Variants in ENTR1 observed in about 807,000 individuals in gnomAD.
The protein encoded by ENTR1 is endosome-associated-trafficking regulator 1.
A neutral mutation model predicts 47.9 loss-of-function variants in ENTR1; 47 were observed. The observed-to-expected ratio is 0.98, with a 90% CI of 0.78 to 1.25. The LOEUF (loss-of-function observed/expected upper bound fraction) is 1.25, where lower values mean the gene tolerates loss of function less well. ENTR1 is among the 50% of genes most tolerant of loss of function. The probability of loss-of-function intolerance (pLI) is 0.00; values close to 1 mark genes in which losing one functional copy is unlikely to be tolerated. For missense variants in ENTR1, 668 were observed against 570.5 expected (o/e 1.17, Z -1.74); for synonymous variants, 290 against 245.8 (o/e 1.18, Z -1.68).
In ENTR1 at chr9:136,410,478, C is replaced by A. The variant is rs1835051752; in HGVS notation, c.-81G>T. The A allele has an allele frequency of 1.0e-6, 1 of 982,548 alleles. No individual in the cohort carries two copies. Among genetic ancestry groups the A allele is most frequent in the African/African-American group, 1.7e-5 (1 of 57,156 alleles). 60.9% of individuals were successfully genotyped at this position (982,548 alleles called of 1,614,324 possible). On this transcript the variant is annotated 5_prime_UTR_variant, in exon 1 of 10. Transcript: ENST00000357365. ...CCCCGGCTCCGCCCGTGCCGCGGCC[C>A]GCGTCGCCCGCCCCCGTCGCCCGCC...
At chr9:136,405,835 A>T in intron 6 of ENTR1, 70 bp downstream of exon 6, 1 of 938,560 alleles carries the variant, frequency 1.1e-6, no homozygotes, top group Non-Finnish European at 1.6e-6. Flanking sequence ...TTACTTCATT[A>T]TCATTTAAAA....
rs1835020668 is a variant in ENTR1 at position 136,410,120 on chromosome 9, T to G, written c.190A>C (p.Ser64Arg). Residue 64 changes from serine (S) to arginine (R), a missense_variant, in exon 2 of 10, where the codon AGC becomes CGC. Transcript: ENST00000357365. ...TCTCCCACGGAAGCCAGCACCGGGC[T>G]GGGCACATAGCACATAAAGGCCGGC... ...IRPAFMCYVP[S>R]PVLASVGDTD... is the part of the protein sequence containing the mutation. 25 of 1,612,788 alleles carry G rather than the reference T, an allele frequency of 1.6e-5. No homozygotes were observed. Among genetic ancestry groups the G allele is most frequent in the Non-Finnish European group, 2.0e-5 (24 of 1,179,936 alleles).
intron 5 of ENTR1, 88 bp from the exon 6 acceptor site, chr9:136,406,066 G>A: frequency 2.4e-6 from 2 of 846,152 alleles, no homozygotes. Context: ...AGAGCCTCCT[G>A]ATAAGCAGAG....
chr9:136,407,308 G>C lies in ENTR1; in HGVS notation c.656C>G (p.Ser219Trp). Residue 219 changes from serine (S) to tryptophan (W), a missense_variant, in exon 5 of 10, where the codon TCG (serine) becomes TGG (tryptophan). By Grantham distance (177) the Ser-to-Trp change is radical. Coordinates refer to ENST00000357365, the MANE Select transcript of ENTR1 (RefSeq NM_001039707.2). ...STYLSFFSTP[S>W]ELAGPESLPS... ...CAGAGACTCAGGCCCTGCCAGCTCC[G>C]ACGGGGTGGAGAAAAAGGAAAGGTA... 1 of 1,611,742 alleles carries C rather than the reference G, an allele frequency of 6.2e-7. No individual in the cohort carries two copies.
At chr9:136,404,720 A>G (rs764517896) in intron 7 of ENTR1, 27 bp from the exon 8 acceptor site, 4 of 1,612,724 alleles carry the variant, frequency 2.5e-6, no homozygotes, top group East Asian at 4.5e-5. Context: ...AAAAACCACA[A>G]AAAGCATCAC....
At chr9:136,406,540 G>A (rs1834772789) in intron 5 of ENTR1, among the ~76,000 whole-genome samples, 1 of 150,910 alleles carries the variant, frequency 6.6e-6, no homozygotes, top group Non-Finnish European at 1.5e-5. Flanking sequence ...ACAGTGGCGT[G>A]ACCTCGGCTC....
rs1408710892 is a variant in ENTR1 at position 136,405,038 on chromosome 9, C to T, written c.1005+53G>A. On this transcript the variant is annotated intron_variant, in intron 7 of 9. Transcript: ENST00000357365. ...GCTGCTGAGGACAACAGCACTTTCT[C>T]AGGAGCGCTCCTGCCCCACCCAGCT... 5 of 1,428,814 alleles carry T rather than the reference C, an allele frequency of 3.5e-6. No individual in the cohort carries two copies. The African/African-American group carries it at 4.2e-5, about 12-fold the overall frequency. The allele number at this position is 1,428,814 out of a possible 1,614,324, so 88.5% of individuals were successfully genotyped here. A position where few individuals can be genotyped will look rare whatever the true frequency, so the allele number is the denominator to read the frequency against.
At chr9:136,409,820 G>A (rs777459837) in intron 2 of ENTR1, 8 of 588,556 alleles carry the variant, frequency 1.4e-5, no homozygotes, top group Non-Finnish European at 2.3e-5. Context: ...AAGGCACCCC[G>A]ACTCCAGCCC....
intron 6 of ENTR1, 145 bp downstream of exon 6, chr9:136,405,760 A>T (rs1834733744): frequency 1.8e-6 from 1 of 555,946 alleles, no homozygotes; most frequent in South Asian, 2.4e-5. Context: ...TTTAGGCAGA[A>T]CACAGAAATG....
intron 5 of ENTR1, 42 bp downstream of exon 5, chr9:136,407,103 C>A (rs149424791): frequency 8.5e-6 from 13 of 1,533,864 alleles, no homozygotes; most frequent in South Asian, 2.5e-5. Context: ...AGAAGCCGCT[C>A]GGACAGGCGC....
Position 136,407,305 on chromosome 9 carries a change from T to G in ENTR1, c.659A>C (p.Glu220Ala). The G allele has an allele frequency of 6.2e-7, 1 of 1,611,722 alleles. No homozygotes were observed. Among genetic ancestry groups the G allele is most frequent in the Non-Finnish European group, 8.5e-7 (1 of 1,179,654 alleles). ...GGGCAGAGACTCAGGCCCTGCCAGC[T>G]CCGACGGGGTGGAGAAAAAGGAAAG... ...TYLSFFSTPS[E>A]LAGPESLPSW... The change falls in exon 5 of 10, where the codon GAG becomes GCG. Residue 220 changes from glutamate (E) to alanine (A), a missense_variant. By Grantham distance (107) the Glu-to-Ala change is moderately radical. Coordinates refer to ENST00000357365, the MANE Select transcript of ENTR1 (RefSeq NM_001039707.2).
At chr9:136,405,305 T>C in intron 6 of ENTR1, 103 bp from the exon 7 acceptor site, 4 of 892,310 alleles carry the variant, frequency 4.5e-6, no homozygotes, top group South Asian at 1.4e-5. Flanking sequence ...GAGCCTGTGA[T>C]GGAATGGGTC....
chr9:136,410,552 C>T lies in ENTR1; in HGVS notation c.-155G>A. 3.5e-6 allele frequency: 4 copies of T among 1,133,384 alleles called. No homozygotes were observed. Among genetic ancestry groups the T allele is most frequent in the African/African-American group, 1.6e-5 (1 of 62,458 alleles). 70.2% of individuals were successfully genotyped at this position (1,133,384 alleles called of 1,614,324 possible). ...CCCCGCGCCTCCGAGCCTCTCGCCG[C>T]TGCTTCCGCTCCGAGCACCGAAAGC... On this transcript the variant is annotated 5_prime_UTR_variant, in exon 1 of 10. Coordinates refer to ENST00000357365, the MANE Select transcript of ENTR1 (RefSeq NM_001039707.2).
chr9:136,407,884 A>G lies in ENTR1; in HGVS notation c.344T>C (p.Leu115Pro). Reference protein sequence around the residue: ...EANPFSFREFLKTKNLGLSKE... With the variant: ...EANPFSFREFPKTKNLGLSKE... ...CGAGAGGCCGAGGTTCTTGGTCTTC[A>G]GAAACTCTCTAAAAGAGAATGGATT... Residue 115 changes from leucine (L) to proline (P), a missense_variant, in exon 4 of 10, where the codon CTG becomes CCG. Leu to Pro is a moderately conservative substitution (Grantham distance 98, BLOSUM62 -3). Coordinates refer to ENST00000357365, the MANE Select transcript of ENTR1 (RefSeq NM_001039707.2). 1 of 1,613,662 alleles carries G rather than the reference A, an allele frequency of 6.2e-7. No individual in the cohort carries two copies.
chr9:136,409,887 A>G (rs957074299), intron 2 of ENTR1: 2 of 734,184 alleles, frequency 2.7e-6, no homozygotes, highest in African/African-American at 3.5e-5. Context: ...CCTGTACTGG[A>G]ACTGTCTGTC....
At chr9:136,403,976 C>A in intron 9 of ENTR1, 79 bp downstream of exon 9, 1 of 1,467,076 alleles carries the variant, frequency 6.8e-7, no homozygotes, top group Admixed American at 2.2e-5. Context: ...CAGCCTGGGC[C>A]CCCACCCAGG....
In ENTR1 at chr9:136,402,606, G is replaced by A. The variant is rs577314451; in HGVS notation, c.*182C>T. On this transcript the variant is annotated 3_prime_UTR_variant, in exon 10 of 10. Coordinates refer to ENST00000357365, the MANE Select transcript of ENTR1 (RefSeq NM_001039707.2). ...TGCATAGAAACCACAGAGACAACTC[G>A]GCCAGGGCTGCTCCCATTGTGGTGG... The A allele has an allele frequency of 6.2e-6, 3 of 482,464 alleles. No homozygotes were observed. Among genetic ancestry groups the A allele is most frequent in the South Asian group, 3.5e-5 (1 of 28,638 alleles). The allele number at this position is 482,464 out of a possible 1,614,324, so 29.9% of individuals were successfully genotyped here. A position where few individuals can be genotyped will look rare whatever the true frequency, so the allele number is the denominator to read the frequency against.
At chr9:136,403,971 T>C (rs1307135047) in intron 9 of ENTR1, 84 bp downstream of exon 9, 4 of 1,463,930 alleles carry the variant, frequency 2.7e-6, no homozygotes, top group Non-Finnish European at 3.7e-6. Context: ...GCCATCAGCC[T>C]GGGCCCCCAC....
intron 9 of ENTR1, 75 bp from the exon 10 acceptor site, chr9:136,402,962 G>GACAGGGTCCCAGGGAGCAA (rs1834559732): frequency 8.9e-7 from 1 of 1,122,042 alleles, no homozygotes. Flanking sequence ...GGGAGAAAGG[G>GACAGGGTCCCAGGGAGCAA]GAGGGGTTGG....
Sources: allele counts gnomAD v4.1 joint callset (sites outside exome capture counted in the v4.1 genomes callset), GRCh38; gene constraint gnomAD v4.1.1; transcripts MANE v1.5; gene names NCBI Gene and HGNC (gene_info 2026-07-23, HGNC 2026-07-21).